CCDC88C: variants seen among roughly 807,000 people sequenced by gnomAD.
CCDC88C encodes protein Daple.
In CCDC88C, 131 loss-of-function variants were observed where a neutral mutation model predicts 198.8. The ratio of observed to expected loss-of-function variants is 0.66; its 90% confidence interval spans 0.57 to 0.76. CCDC88C has a LOEUF of 0.76. Among genes scored for constraint, CCDC88C ranks in the 30% least tolerant of loss-of-function variants. CCDC88C has a pLI of 0.00. For missense variants in CCDC88C, 2,553 were observed against 2,631.6 expected (o/e 0.97, Z 0.65); for synonymous variants, 1,166 against 1,114.7 (o/e 1.05, Z -0.92).
intron 2 of CCDC88C, among the ~76,000 whole-genome samples, chr14:91,410,957 C>T (rs1886758670): frequency 6.6e-6 from 1 of 152,174 alleles, no homozygotes; most frequent in African/African-American, 2.4e-5. Flanking sequence ...GGTCGGGAAC[C>T]TGGGAGTCCC....
chr14:91,395,344 G>A (rs528091622), intron 3 of CCDC88C, among the ~76,000 whole-genome samples: 6 of 152,206 alleles, frequency 3.9e-5, no homozygotes, highest in Admixed American at 1.3e-4. Flanking sequence ...TTAAAGAAAC[G>A]TCTTGTGATC....
In CCDC88C at chr14:91,284,630, G is replaced by C. The variant is rs1259179088; in HGVS notation, c.4442-1113C>G. Among the ~76,000 whole-genome samples, 1 of 152,214 alleles carries C rather than the reference G, an allele frequency of 6.6e-6. No homozygotes were observed. Among genetic ancestry groups the C allele is most frequent in the African/African-American group, 2.4e-5 (1 of 41,454 alleles). ...GTCTGGAGGACCCGGCACCACGGCA[G>C]CCCAGGGTTCCCAGAGCGAGGCTCA... On this transcript the variant is annotated intron_variant, in intron 25 of 29. Coordinates refer to ENST00000389857, the MANE Select transcript of CCDC88C (RefSeq NM_001080414.4). The surrounding 1 kb of genome is among the most constrained non-coding windows in gnomAD (Gnocchi z 4.1).
chr14:91,349,397 G>A (rs903305650), intron 4 of CCDC88C, among the ~76,000 whole-genome samples: 20 of 152,226 alleles, frequency 1.3e-4, no homozygotes, highest in African/African-American at 4.8e-4. Flanking sequence ...AAGGCCAAGA[G>A]GTAAGAGAGC....
chr14:91,339,860 C>G lies in CCDC88C; in HGVS notation c.624+24G>C, dbSNP rs12883434. Reference sequence around the variant, plus strand: ...GGCCTAAGCCCCTTCCCAGGCTGACCGGGCCACCGACCCGCGGACGCACCT... The same window carrying G: ...GGCCTAAGCCCCTTCCCAGGCTGACGGGGCCACCGACCCGCGGACGCACCT... On this transcript the variant is annotated intron_variant, in intron 7 of 29. Coordinates refer to ENST00000389857, the MANE Select transcript of CCDC88C (RefSeq NM_001080414.4). This position sits in a 1 kb window ranked among gnomAD's most constrained non-coding sequence, Gnocchi z 5.8. 13 of 1,563,712 alleles carry G rather than the reference C, an allele frequency of 8.3e-6. No individual in the cohort carries two copies. The highest frequency in any genetic ancestry group is 1.4e-5 in the African/African-American group (1 of 73,426).
At chr14:91,393,129 T>C (rs529293879) in intron 3 of CCDC88C, among the ~76,000 whole-genome samples, 5 of 152,190 alleles carry the variant, frequency 3.3e-5, no homozygotes, top group African/African-American at 9.6e-5. Context: ...TCAGAATCAC[T>C]GCAACCCAGG....
chr14:91,291,706 C>T (rs1890670303), intron 23 of CCDC88C, among the ~76,000 whole-genome samples: 1 of 152,244 alleles, frequency 6.6e-6, no homozygotes, highest in African/African-American at 2.4e-5. Flanking sequence ...TGAACCAGGG[C>T]ACAGTGGGGC....
intron 3 of CCDC88C, among the ~76,000 whole-genome samples, chr14:91,401,164 AC>A (rs1199388363): frequency 1.3e-5 from 2 of 150,422 alleles, no homozygotes; most frequent in African/African-American, 4.9e-5. Flanking sequence ...GCAGTGGTAT[AC>A]CTAGGTGTTG....
chr14:91,361,811 C>T (rs1229190943), intron 3 of CCDC88C, among the ~76,000 whole-genome samples: 1 of 152,184 alleles, frequency 6.6e-6, no homozygotes, highest in African/African-American at 2.4e-5. Flanking sequence ...CCAACACCCT[C>T]GCCCTACCAC....
At chr14:91,378,364 A>G (rs184095408) in intron 3 of CCDC88C, among the ~76,000 whole-genome samples, 3 of 152,306 alleles carry the variant, frequency 2.0e-5, no homozygotes, top group Admixed American at 2.0e-4. Context: ...CAGCTAAACC[A>G]GCTTGGGGCC....
chr14:91,288,943 C>T lies in CCDC88C; in HGVS notation c.4441+162G>A. ...AAAGCATTATGGGACAAAACGGTCG[C>T]CACGCTGAATTTCTACTTGGCTCGT... On this transcript the variant is annotated intron_variant, in intron 25 of 29. Transcript: ENST00000389857. This position sits in a 1 kb window ranked among gnomAD's most constrained non-coding sequence, Gnocchi z 4.2. 1.7e-6 allele frequency: 1 copy of T among 598,088 alleles called. No homozygotes were observed. The highest frequency in any genetic ancestry group is 3.0e-6 in the Non-Finnish European group (1 of 338,004). 37.0% of individuals were successfully genotyped at this position (598,088 alleles called of 1,614,324 possible).
At chr14:91,379,924 C>T (rs770264400) in intron 3 of CCDC88C, 14 of 702,770 alleles carry the variant, frequency 2.0e-5, no homozygotes, top group East Asian at 5.4e-5. Context: ...AAGGAAAAGG[C>T]GTTTGGGGGC....
At chr14:91,298,206 G>C (rs1567059006) in intron 21 of CCDC88C, among the ~76,000 whole-genome samples, 1 of 152,138 alleles carries the variant, frequency 6.6e-6, no homozygotes, top group East Asian at 1.9e-4. Context: ...AGGCTGAGGA[G>C]GGAGGATCGC....
At chr14:91,318,888 C>T (rs1039493056) in intron 13 of CCDC88C, among the ~76,000 whole-genome samples, 1 of 146,630 alleles carries the variant, frequency 6.8e-6, no homozygotes, top group African/African-American at 2.6e-5. Context: ...CACTGCACTC[C>T]AGCCTGGACA....
At chr14:91,363,809 G>A (rs74084780) in intron 3 of CCDC88C, among the ~76,000 whole-genome samples, 8,003 of 152,340 alleles carry the variant, frequency 0.053, 701 homozygotes, top group African/African-American at 0.18. Context: ...GCCCTCCCCC[G>A]CGGGGAATGT....
Position 91,282,405 on chromosome 14 carries a change from A to G in CCDC88C, c.4631-880T>C, listed in dbSNP as rs539759149. On this transcript the variant is annotated intron_variant, in intron 26 of 29. Transcript: ENST00000389857. ...TGGATATTTTCCTATCTCTTAAATTATAAGGGGAATGCCCTTTTCCGTTTT... is the reference window on the plus strand; with the variant it reads ...TGGATATTTTCCTATCTCTTAAATTGTAAGGGGAATGCCCTTTTCCGTTTT... Among the ~76,000 whole-genome samples, 6 of 152,328 alleles carry G rather than the reference A, an allele frequency of 3.9e-5. No individual in the cohort carries two copies. In the South Asian group the frequency reaches 1.2e-3, roughly 32 times the overall value.
chr14:91,386,026 G>A (rs549652941), intron 3 of CCDC88C, among the ~76,000 whole-genome samples: 1 of 152,160 alleles, frequency 6.6e-6, no homozygotes, highest in Non-Finnish European at 1.5e-5. Context: ...GAGCAAGCCA[G>A]TTAACATCCC....
At chr14:91,342,317 G>T in intron 6 of CCDC88C, 63 bp downstream of exon 6, 2 of 1,013,984 alleles carry the variant, frequency 2.0e-6, no homozygotes, top group Non-Finnish European at 1.5e-6. Flanking sequence ...GAGAAGTTTT[G>T]CCTCCCGGCC....
intron 18 of CCDC88C, 28 bp downstream of exon 18, chr14:91,307,010 T>C (rs1349091109): frequency 1.9e-6 from 3 of 1,586,376 alleles, no homozygotes; most frequent in South Asian, 2.3e-5. Context: ...CTGTCCCCGA[T>C]GGACCATGCC....
At chr14:91,330,076 G>C (rs1892753095) in intron 10 of CCDC88C, among the ~76,000 whole-genome samples, 1 of 152,258 alleles carries the variant, frequency 6.6e-6, no homozygotes, top group Admixed American at 6.5e-5. Context: ...GCTGACCCCT[G>C]AGCCACAAGG....
Sources: gnomAD v4.1 joint callset for allele counts (sites outside exome capture counted in the v4.1 genomes callset) on GRCh38, gnomAD v4.1.1 for gene constraint, Gnocchi (gnomAD v3.1) non-coding constraint, MANE v1.5 for transcripts, NCBI Gene and HGNC (gene_info 2026-07-23, HGNC 2026-07-21) for gene names.